Variants in KAT6B observed in about 807,000 individuals in gnomAD.
The protein encoded by KAT6B is lysine acetyltransferase 6B.
In KAT6B, 10 loss-of-function variants were observed where a neutral mutation model predicts 187.5. The ratio of observed to expected loss-of-function variants is 0.05; its 90% confidence interval spans 0.03 to 0.09. The LOEUF (loss-of-function observed/expected upper bound fraction) is 0.09, where lower values mean the gene tolerates loss of function less well. KAT6B is among the 10% of genes least tolerant of loss of function. KAT6B has a pLI of 1.00. For missense variants in KAT6B, 1,952 were observed against 2,558.9 expected, an observed-to-expected ratio of 0.76 and a Z score of 5.12; for synonymous variants, 861 against 926.8, an observed-to-expected ratio of 0.93 and a Z score of 1.29.
rs188148170 is a variant in KAT6B, at chr10:74,876,273, T to C, written c.621+32795T>C. Among the ~76,000 whole-genome samples the C allele has an allele frequency of 6.4e-3, 969 of 152,328 alleles. 5 individuals are homozygous for C. Among genetic ancestry groups the C allele is most frequent in the Non-Finnish European group, 0.011 (724 of 68,034 alleles). On this transcript the variant is annotated intron_variant, in intron 3 of 17. Coordinates refer to ENST00000287239, the MANE Select transcript of KAT6B (RefSeq NM_012330.4). ...GCAGTAGAAAAATAGGTTTCAACTT[T>C]CTAGGAGCACATCTCTCCTATGTGG...
intron 2 of KAT6B, among the ~76,000 whole-genome samples, chr10:74,840,530 TTAGC>T (rs1841669230): frequency 6.6e-6 from 1 of 152,186 alleles, no homozygotes; most frequent in South Asian, 2.1e-4. Context: ...AGCAAGAAAT[TTAGC>T]TAGAGCTGTG....
chr10:74,995,998 A>G (rs973043722), intron 13 of KAT6B, among the ~76,000 whole-genome samples: 1 of 152,212 alleles, frequency 6.6e-6, no homozygotes, highest in Non-Finnish European at 1.5e-5. Context: ...AGACCGAGGG[A>G]ACACCAACTG....
At chr10:74,828,730 G>A (rs576065720) in intron 1 of KAT6B, among the ~76,000 whole-genome samples, 1 of 151,842 alleles carries the variant, frequency 6.6e-6, no homozygotes, top group East Asian at 1.9e-4. Flanking sequence ...ACCACGCCCC[G>A]CTAATTTTTT....
chr10:74,977,410 T>C lies in KAT6B; in HGVS notation c.2088T>C (p.Phe696=), dbSNP rs1399477633. Residue 696 remains phenylalanine, a synonymous_variant, in exon 9 of 18, where the codon TTT becomes TTC. Coordinates refer to ENST00000287239, the MANE Select transcript of KAT6B (RefSeq NM_012330.4). The stretch of plus-strand genomic sequence containing the variant: ...TTACTGAAGAGGATTTGGATGTTTT[T>C]AAGCAGGCCCAGGAACTTTCTTGGG... ...DVVTEEDLDV[F]KQAQELSWEK... is the part of the protein sequence containing the mutation. The C allele has an allele frequency of 6.2e-7, 1 of 1,613,948 alleles. No individual in the cohort carries two copies. Among genetic ancestry groups the C allele is most frequent in the East Asian group, 2.2e-5 (1 of 44,852 alleles).
At chr10:74,935,863 C>T (rs2133226546) in intron 3 of KAT6B, among the ~76,000 whole-genome samples, 1 of 152,284 alleles carries the variant, frequency 6.6e-6, no homozygotes, top group East Asian at 1.9e-4. Context: ...AGTCACTTAT[C>T]TACTCAGTTT....
At chr10:75,000,282 C>T (rs1213050380) in intron 13 of KAT6B, among the ~76,000 whole-genome samples, 1 of 151,742 alleles carries the variant, frequency 6.6e-6, no homozygotes, top group Non-Finnish European at 1.5e-5. Flanking sequence ...GCTGGAGAGC[C>T]TGGAGCATGT....
chr10:74,992,922 G>A (rs932232910), intron 13 of KAT6B, among the ~76,000 whole-genome samples: 1 of 152,168 alleles, frequency 6.6e-6, no homozygotes, highest in Non-Finnish European at 1.5e-5. Flanking sequence ...ATGGGTGGAG[G>A]AGAGAGTGAC....
At chr10:75,014,139 G>A (rs567545528) in intron 13 of KAT6B, among the ~76,000 whole-genome samples, 1 of 152,134 alleles carries the variant, frequency 6.6e-6, no homozygotes, top group Non-Finnish European at 1.5e-5. Context: ...AGAATGTCAT[G>A]ACCTGTGATA....
At chr10:74,888,867 G>A (rs1845466996) in intron 3 of KAT6B, among the ~76,000 whole-genome samples, 1 of 152,150 alleles carries the variant, frequency 6.6e-6, no homozygotes, top group African/African-American at 2.4e-5. Context: ...GCTGATGTGG[G>A]AGGCTCTCTC....
rs143244555 is a variant in KAT6B at position 74,916,014 on chromosome 10, T to G, written c.622-43956T>G. 8.2e-3 allele frequency among the ~76,000 whole-genome samples: 1,253 copies of G among 152,190 alleles called. 27 individuals are homozygous for G. The highest frequency in any genetic ancestry group is 0.025 in the African/African-American group (1,048 of 41,524). Reference sequence around the variant, plus strand: ...CCCGCCTCTACTAATAATACAAAAATTAGCCGGTCGTGGTGGTGTGCACCT... The same window carrying G: ...CCCGCCTCTACTAATAATACAAAAAGTAGCCGGTCGTGGTGGTGTGCACCT... On this transcript the variant is annotated intron_variant, in intron 3 of 17. Transcript: ENST00000287239.
chr10:74,992,464 G>A (rs1197465179), intron 13 of KAT6B, among the ~76,000 whole-genome samples: 1 of 152,156 alleles, frequency 6.6e-6, no homozygotes. Context: ...CCTACAGTTG[G>A]GCAGAATCAT....
At chr10:74,839,771 C>G (rs1331673216) in intron 2 of KAT6B, among the ~76,000 whole-genome samples, 1 of 152,134 alleles carries the variant, frequency 6.6e-6, no homozygotes, top group Non-Finnish European at 1.5e-5. Context: ...TGGGAAAGAT[C>G]AATTTCCTGT....
chr10:74,907,362 C>T (rs1042909881), intron 3 of KAT6B, among the ~76,000 whole-genome samples: 1 of 152,158 alleles, frequency 6.6e-6, no homozygotes, highest in African/African-American at 2.4e-5. Context: ...TGGACACCTC[C>T]AGTTTCTGAT....
chr10:74,828,131 G>C (rs1840411865), intron 1 of KAT6B, among the ~76,000 whole-genome samples: 1 of 152,162 alleles, frequency 6.6e-6, no homozygotes, highest in Non-Finnish European at 1.5e-5. Context: ...AGATGACCAG[G>C]CAAAGGCAGA....
At chr10:74,836,357 G>A (rs1299077281) in intron 1 of KAT6B, among the ~76,000 whole-genome samples, 3 of 152,240 alleles carry the variant, frequency 2.0e-5, no homozygotes, top group East Asian at 3.9e-4. Flanking sequence ...AGAACCATAT[G>A]GTAATTCTGT....
At chr10:74,977,106 CAG>C (rs1842209598) in intron 8 of KAT6B, 1 of 465,128 alleles carries the variant, frequency 2.1e-6, no homozygotes, top group Non-Finnish European at 3.9e-6. Context: ...AAAAAGATGA[CAG>C]TGATAAATTC....
At chr10:74,928,849 G>A (rs1019989577) in intron 3 of KAT6B, among the ~76,000 whole-genome samples, 1 of 152,152 alleles carries the variant, frequency 6.6e-6, no homozygotes, top group African/African-American at 2.4e-5. Flanking sequence ...TGCCTACAAT[G>A]ACTTTGATAA....
At chr10:74,857,195 A>C (rs981963891) in intron 3 of KAT6B, among the ~76,000 whole-genome samples, 2 of 152,252 alleles carry the variant, frequency 1.3e-5, no homozygotes, top group African/African-American at 4.8e-5. Flanking sequence ...GTTTAACACA[A>C]CACAAATGTA....
rs775255115 is a variant in KAT6B at position 75,029,259 on chromosome 10, G to A, written c.4435G>A (p.Val1479Ile). Residue 1479 changes from valine to isoleucine, a missense_variant, in exon 18 of 18, where the codon GTC (valine) becomes ATC (isoleucine). Val to Ile is a conservative substitution (Grantham distance 29, BLOSUM62 3). Coordinates refer to ENST00000287239, the MANE Select transcript of KAT6B (RefSeq NM_012330.4). This position sits in a 1 kb window ranked among gnomAD's most constrained non-coding sequence, Gnocchi z 6.2. ...CCCAGAGGTCTTAATGGACTGTGGCGTCGACCTGACAGCTTCTTGTAACAG... is the reference window on the plus strand; with the variant it reads ...CCCAGAGGTCTTAATGGACTGTGGCATCGACCTGACAGCTTCTTGTAACAG... The part of the protein sequence containing the change: ...SNPEVLMDCG[V>I]DLTASCNSEP... The A allele has an allele frequency of 2.0e-5, 32 of 1,613,994 alleles. No individual in the cohort carries two copies. The highest frequency in any genetic ancestry group is 6.7e-5 in the Admixed American group (4 of 59,996).
Sources: allele counts gnomAD v4.1 joint callset (sites outside exome capture counted in the v4.1 genomes callset), GRCh38; gene constraint gnomAD v4.1.1; non-coding constraint Gnocchi (gnomAD v3.1); transcripts MANE v1.5; gene names NCBI Gene and HGNC (gene_info 2026-07-23, HGNC 2026-07-21).